PALM: variants seen among roughly 807,000 people sequenced by gnomAD.
PALM encodes the protein paralemmin-1.
In PALM, 18 loss-of-function variants were observed where a neutral mutation model predicts 30.7. That is an observed-to-expected ratio of 0.59 (90% CI 0.41 to 0.87). The LOEUF (loss-of-function observed/expected upper bound fraction) is 0.87, where lower values mean the gene tolerates loss of function less well. Ranked by LOEUF, PALM falls within the 40% of genes least tolerant of loss-of-function variation. The probability of loss-of-function intolerance (pLI) is 0.00; values close to 1 mark genes in which losing one functional copy is unlikely to be tolerated. For synonymous variants in PALM, 286 were observed against 242.8 expected (o/e 1.18, Z -1.66); for missense variants, 529 against 555.4 (o/e 0.95, Z 0.48).
At chr19:729,964 G>GC (rs2032819703) in intron 4 of PALM, among the ~76,000 whole-genome samples, 1 of 152,294 alleles carries the variant, frequency 6.6e-6, no homozygotes, top group Non-Finnish European at 1.5e-5. Context: ...GCCCTAGTGG[G>GC]CACAGGCTCA....
At position 727,280 on chromosome 19, in the gene PALM, A is replaced by AC. The variant is rs1180904882; in HGVS notation, c.138+196dup. 6.8e-4 allele frequency among the ~76,000 whole-genome samples: 91 copies of AC among 133,926 alleles called. 2 individuals carry two copies. Among genetic ancestry groups the AC allele is most frequent in the African/African-American group, 2.1e-3 (72 of 34,672 alleles). 87.9% of individuals were successfully genotyped at this position (133,926 alleles called of 152,430 possible). ...TGACCCCAACCTGACCCCGACCCTG[A>AC]CCCCAACCTGACCCTGACCCCGACC... On this transcript the variant is annotated intron_variant, in intron 3 of 8. Coordinates refer to ENST00000338448, the MANE Select transcript of PALM (RefSeq NM_002579.3).
At chr19:710,738 T>G (rs2032050610) in intron 1 of PALM, among the ~76,000 whole-genome samples, 1 of 145,580 alleles carries the variant, frequency 6.9e-6, no homozygotes. Flanking sequence ...TTCTCCGTCC[T>G]GGGTCAGAGG....
intron 1 of PALM, among the ~76,000 whole-genome samples, chr19:721,323 T>C (rs1172599619): frequency 6.6e-6 from 1 of 152,156 alleles, no homozygotes; most frequent in Non-Finnish European, 1.5e-5. Flanking sequence ...TAGAGTGCGG[T>C]GGCACGATCT....
In PALM at chr19:730,944, C is replaced by T. The variant is rs542979957; in HGVS notation, c.270-151C>T. On this transcript the variant is annotated intron_variant, in intron 4 of 8. Coordinates refer to ENST00000338448, the MANE Select transcript of PALM (RefSeq NM_002579.3). ...TGAACCCGGGAGGTGGAGGTTGCAGCGAGCCAAGATCACGCCATTGCACTC... is the reference window on the plus strand; with the variant it reads ...TGAACCCGGGAGGTGGAGGTTGCAGTGAGCCAAGATCACGCCATTGCACTC... The T allele has an allele frequency of 1.1e-4, 64 of 561,470 alleles. 1 individual carries two copies. The highest frequency in any genetic ancestry group is 8.1e-4 in the South Asian group (32 of 39,286). The allele number at this position is 561,470 out of a possible 1,614,324, so 34.8% of individuals were successfully genotyped here.
chr19:712,183 C>T lies in PALM; in HGVS notation c.5+3032C>T, dbSNP rs561141857. On this transcript the variant is annotated intron_variant, in intron 1 of 8. Transcript: ENST00000338448. ...GACTACAGGTGCCCGCCACCACGCC[C>T]GGCTAATTTTTGTATTTTTAGTAGC... is the stretch of plus-strand genomic sequence containing the variant. 7.9e-5 allele frequency among the ~76,000 whole-genome samples: 12 copies of T among 151,998 alleles called. No homozygotes were observed. In the South Asian group the frequency reaches 1.0e-3, roughly 13 times the overall value.
chr19:727,252 CCCTGACCCCAA>C (rs1459879895), intron 3 of PALM, among the ~76,000 whole-genome samples, 164 bp downstream of exon 3: 2 of 143,228 alleles, frequency 1.4e-5, no homozygotes, highest in Non-Finnish European at 3.1e-5. Flanking sequence ...CCGACCCCGA[CCCTGACCCCAA>C]CCTGACCCCG....
intron 7 of PALM, among the ~76,000 whole-genome samples, chr19:739,115 GT>G (rs1177653122): frequency 6.6e-6 from 1 of 152,192 alleles, no homozygotes; most frequent in Non-Finnish European, 1.5e-5. Context: ...GCTCTGTGTG[GT>G]TTCTGCAGGA....
intron 1 of PALM, among the ~76,000 whole-genome samples, chr19:715,131 G>A (rs2068987383): frequency 6.6e-6 from 1 of 152,202 alleles, no homozygotes; most frequent in African/African-American, 2.4e-5. Context: ...GGGCGGGCGT[G>A]GTGGCGGGTG....
chr19:727,719 C>T lies in PALM; in HGVS notation c.269+25C>T, dbSNP rs560622430. 2.1e-5 allele frequency: 32 copies of T among 1,529,600 alleles called. No individual in the cohort carries two copies. In the Admixed American group the frequency reaches 5.9e-4, roughly 28 times the overall value. The allele number at this position is 1,529,600 out of a possible 1,614,324, so 94.8% of individuals were successfully genotyped here. A position where few individuals can be genotyped will look rare whatever the true frequency, so the allele number is the denominator to read the frequency against. Reference sequence around the variant, plus strand: ...GGTGGGGGCTGCAGCGTGGGTGCCACCGGGCTGGGTGGGGCCTCGGGGGCC... The same window carrying T: ...GGTGGGGGCTGCAGCGTGGGTGCCATCGGGCTGGGTGGGGCCTCGGGGGCC... On this transcript the variant is annotated intron_variant, in intron 4 of 8. Coordinates refer to ENST00000338448, the MANE Select transcript of PALM (RefSeq NM_002579.3).
At position 729,458 on chromosome 19, in the gene PALM, CTTTTTTT is replaced by C. The variant is rs34688325; in HGVS notation, c.270-1618_270-1612del. Among the ~76,000 whole-genome samples the C allele has an allele frequency of 6.1e-4, 44 of 72,710 alleles. No homozygotes were observed. The East Asian group carries it at 0.017, about 28-fold the overall frequency. 47.7% of individuals were successfully genotyped at this position (72,710 alleles called of 152,430 possible). On this transcript the variant is annotated intron_variant, in intron 4 of 8. Transcript: ENST00000338448. ...GGGAGGCAAAAATCCCACGGTGCGT[CTTTTTTT>C]TTTTTTTTTTTTTTTTTTGAGAAGG...
chr19:740,396 G>T lies in PALM; in HGVS notation c.547G>T (p.Gly183Trp). 6.4e-7 allele frequency: 1 copy of T among 1,559,398 alleles called. No homozygotes were observed. The part of the protein sequence containing the change: ...EITVEKDKVT[G>W]ETRVLSSTTL... ...CACTGTGGAGAAGGACAAGGTGACA[G>T]GGGAGACCAGGGTGCTGTCCAGCAC... Residue 183 changes from glycine to tryptophan, a missense_variant, in exon 8 of 9, where the codon GGG (glycine) becomes TGG (tryptophan). Gly to Trp is a radical substitution (Grantham distance 184). Coordinates refer to ENST00000338448, the MANE Select transcript of PALM (RefSeq NM_002579.3).
intron 1 of PALM, among the ~76,000 whole-genome samples, chr19:717,086 C>A (rs563020393): frequency 2.6e-5 from 4 of 152,134 alleles, no homozygotes; most frequent in Non-Finnish European, 5.9e-5. Flanking sequence ...CGTGCCACCA[C>A]GCCCGGCTAA....
At chr19:731,052 C>T (rs189393274) in intron 4 of PALM, 43 bp from the exon 5 acceptor site, 48 of 1,385,362 alleles carry the variant, frequency 3.5e-5, no homozygotes, top group East Asian at 9.9e-5. Context: ...AGAGCCCCAC[C>T]GGGGATGCAG....
intron 1 of PALM, among the ~76,000 whole-genome samples, chr19:715,765 T>C (rs2283579): frequency 0.55 from 83,179 of 151,852 alleles, 23,216 homozygotes; most frequent in African/African-American, 0.65. Flanking sequence ...TGATTGTGGC[T>C]GCAGGGGCAG....
At chr19:713,725 T>G (rs1195480743) in intron 1 of PALM, among the ~76,000 whole-genome samples, 1 of 150,316 alleles carries the variant, frequency 6.7e-6, no homozygotes, top group Non-Finnish European at 1.5e-5. Context: ...ACTACAGGCA[T>G]GCGCCACTGC....
intron 1 of PALM, chr19:719,730 C>A: frequency 1.4e-6 from 1 of 693,954 alleles, no homozygotes. Context: ...CCAGCCTCGC[C>A]GATCACACGG....
chr19:741,115 G>A lies in PALM; in HGVS notation c.634+632G>A, dbSNP rs562532733. 8.5e-5 allele frequency among the ~76,000 whole-genome samples: 13 copies of A among 152,146 alleles called. 1 individual carries two copies. The South Asian group carries it at 2.7e-3, about 32-fold the overall frequency. On this transcript the variant is annotated intron_variant, in intron 8 of 8. Coordinates refer to ENST00000338448, the MANE Select transcript of PALM (RefSeq NM_002579.3). The stretch of plus-strand genomic sequence containing the variant: ...GATCGCACCACTGCACTCCAACCTG[G>A]GCAACAGAGTGAGACCCTGTCTCTT...
At chr19:736,341 G>A (rs751782651) in intron 7 of PALM, among the ~76,000 whole-genome samples, 4 of 152,270 alleles carry the variant, frequency 2.6e-5, no homozygotes, top group East Asian at 1.9e-4. Flanking sequence ...TCTAACCGAC[G>A]CGACCTCACG....
intron 1 of PALM, chr19:719,192 C>G (rs1347377664): frequency 1.0e-6 from 1 of 985,314 alleles, no homozygotes. Context: ...TGCGACGCCC[C>G]CATCCCACAC....
Sources: allele counts gnomAD v4.1 joint callset (sites outside exome capture counted in the v4.1 genomes callset), GRCh38; gene constraint gnomAD v4.1.1; transcripts MANE v1.5; gene names NCBI Gene and HGNC (gene_info 2026-07-23, HGNC 2026-07-21).